TAF13: variants seen among roughly 807,000 people sequenced by gnomAD.
TAF13 encodes transcription initiation factor TFIID subunit 13.
In TAF13, 9 loss-of-function variants were observed where a neutral mutation model predicts 18.7. The ratio of observed to expected loss-of-function variants is 0.48; its 90% CI spans 0.29 to 0.84. The LOEUF (loss-of-function observed/expected upper bound fraction) is 0.84, where lower values mean the gene tolerates loss of function less well. Ranked by LOEUF, TAF13 falls within the 40% of genes least tolerant of loss-of-function variation. TAF13 has a pLI of 0.08. For missense variants in TAF13, 105 were observed against 146.5 expected (o/e 0.72, Z 1.46); for synonymous variants, 49 against 44.1 (o/e 1.11, Z -0.44).
intron 2 of TAF13, among the ~76,000 whole-genome samples, chr1:109,072,063 T>TACACAC (rs1557986200): frequency 2.1e-4 from 1 of 4,710 alleles, no homozygotes; most frequent in African/African-American, 7.0e-4. Flanking sequence ...TATATATATA[T>TACACAC]ATATATATAT....
At chr1:109,075,554 A>AT (rs1268904381) in intron 1 of TAF13, among the ~76,000 whole-genome samples, 1 of 152,216 alleles carries the variant, frequency 6.6e-6, no homozygotes, top group Non-Finnish European at 1.5e-5. Flanking sequence ...AAATTTTGAA[A>AT]TCCAGGCTGT....
intron 2 of TAF13, among the ~76,000 whole-genome samples, chr1:109,066,587 C>T (rs949305934): frequency 1.3e-5 from 2 of 152,142 alleles, no homozygotes; most frequent in Non-Finnish European, 2.9e-5. Context: ...AACAGCTTAG[C>T]CTTTTTTGGA....
chr1:109,073,757 C>CT (rs1031735929), intron 2 of TAF13, among the ~76,000 whole-genome samples: 15 of 152,244 alleles, frequency 9.9e-5, no homozygotes, highest in Non-Finnish European at 1.6e-4. Context: ...TCCCAAAGTG[C>CT]TGAGATTGCA....
chr1:109,069,262 T>C (rs979228212), intron 2 of TAF13, among the ~76,000 whole-genome samples: 3 of 152,120 alleles, frequency 2.0e-5, no homozygotes, highest in African/African-American at 4.8e-5. Context: ...CTTGGGAGCT[T>C]GGTTCCAGGA....
At chr1:109,067,738 TTAAGTCC>T (rs1157368217) in intron 2 of TAF13, among the ~76,000 whole-genome samples, 1 of 152,186 alleles carries the variant, frequency 6.6e-6, no homozygotes, top group African/African-American at 2.4e-5. Context: ...AGGTACTGTC[TTAAGTCC>T]TTTACATATA....
At chr1:109,071,993 T>C (rs1283969243) in intron 2 of TAF13, among the ~76,000 whole-genome samples, 1 of 2,772 alleles carries the variant, frequency 3.6e-4, no homozygotes, top group Non-Finnish European at 1.1e-3. Context: ...TATATATATA[T>C]ATATATATAT....
At chr1:109,073,938 C>T (rs879649230) in intron 2 of TAF13, among the ~76,000 whole-genome samples, 125 of 151,056 alleles carry the variant, frequency 8.3e-4, no homozygotes, top group Admixed American at 1.3e-3. Flanking sequence ...GCTGCCCGGC[C>T]GCCACCCCGT....
chr1:109,072,020 A>C (rs1382201506), intron 2 of TAF13, among the ~76,000 whole-genome samples: 2 of 4,516 alleles, frequency 4.4e-4, no homozygotes, highest in African/African-American at 7.7e-4. Flanking sequence ...ATATACACAC[A>C]CATATATATA....
chr1:109,068,503 A>T (rs904559261), intron 2 of TAF13, among the ~76,000 whole-genome samples: 1 of 151,922 alleles, frequency 6.6e-6, no homozygotes, highest in Admixed American at 6.6e-5. Context: ...ACTGGTTTCT[A>T]ACTATTTATT....
chr1:109,073,451 C>A (rs943841145), intron 2 of TAF13, among the ~76,000 whole-genome samples: 1 of 152,162 alleles, frequency 6.6e-6, no homozygotes, highest in South Asian at 2.1e-4. Flanking sequence ...CCTCTGTTGC[C>A]GAGGCTGGAC....
rs776052111 is a variant in TAF13 at position 109,075,921 on chromosome 1, C to A, written c.27G>T (p.Thr9=). ...GTTTTGGACAGAGACGGTCACTCAC[C>A]GTGGGGTCTTCTTCCTCATCTGCCA... is the stretch of plus-strand genomic sequence containing the variant. MADEEEDP[T]FEEENEEIGG... is the part of the protein sequence containing the mutation. Residue 9 remains threonine (T), a splice_region_variant and synonymous_variant, in exon 1 of 4, where the codon ACG becomes ACT. Transcript: ENST00000338366. 10 of 1,614,110 alleles carry A rather than the reference C, an allele frequency of 6.2e-6. No homozygotes were observed. Among genetic ancestry groups the A allele is most frequent in the Non-Finnish European group, 5.9e-6 (7 of 1,180,050 alleles).
chr1:109,064,806 T>C (rs113472588), intron 3 of TAF13, 113 bp from the exon 4 acceptor site: 1 of 848,008 alleles, frequency 1.2e-6, no homozygotes, highest in African/African-American at 1.8e-5. Context: ...TTATTATTAT[T>C]ATGGCTATTC....
intron 2 of TAF13, among the ~76,000 whole-genome samples, chr1:109,073,705 C>G (rs7554144): frequency 6.6e-6 from 1 of 151,970 alleles, no homozygotes; most frequent in African/African-American, 2.4e-5. Flanking sequence ...GGCGTGATCT[C>G]GGCTCGCTAC....
intron 2 of TAF13, among the ~76,000 whole-genome samples, chr1:109,071,374 G>A (rs1407045333): frequency 1.3e-5 from 2 of 151,614 alleles, no homozygotes; most frequent in African/African-American, 4.9e-5. Flanking sequence ...CTGGGAGGTG[G>A]AGGTTGCAGT....
In TAF13 at chr1:109,071,993, T is replaced by A. The variant is rs1283969243; in HGVS notation, c.106+2994A>T. Among the ~76,000 whole-genome samples the A allele has an allele frequency of 9.0e-3, 25 of 2,772 alleles. 6 individuals are homozygous for A. In the South Asian group the frequency reaches 0.19, roughly 21 times the overall value. The allele number at this position is 2,772 out of a possible 152,430, so 1.8% of individuals were successfully genotyped here. ...ATATATATACACACATATATATATA[T>A]ATATATATATATATATATATACACA... On this transcript the variant is annotated intron_variant, in intron 2 of 3. Transcript: ENST00000338366.
intron 2 of TAF13, among the ~76,000 whole-genome samples, chr1:109,069,358 TG>T (rs1235385959): frequency 6.6e-6 from 1 of 152,246 alleles, no homozygotes; most frequent in Non-Finnish European, 1.5e-5. Flanking sequence ...ATACATCCTA[TG>T]TATATTTTAA....
chr1:109,074,681 G>A (rs1319512728), intron 2 of TAF13, among the ~76,000 whole-genome samples: 1 of 152,146 alleles, frequency 6.6e-6, no homozygotes, highest in African/African-American at 2.4e-5. Context: ...TCAGGAGGCT[G>A]AGGCAGGAGA....
rs1294669427 is a variant in TAF13 at position 109,064,413 on chromosome 1, T to C, written c.*110A>G. 1 of 1,057,194 alleles carries C rather than the reference T, an allele frequency of 9.5e-7. No individual in the cohort carries two copies. Among genetic ancestry groups the C allele is most frequent in the East Asian group, 3.0e-5 (1 of 33,828 alleles). The allele number at this position is 1,057,194 out of a possible 1,614,324, so 65.5% of individuals were successfully genotyped here. A position where few individuals can be genotyped will look rare whatever the true frequency, so the allele number is the denominator to read the frequency against. Reference sequence around the variant, plus strand: ...AAAAATAAAGGCTGAAAACTTTGTGTTTCTCCATCTTTCATTTACATGGCT... The same window carrying C: ...AAAAATAAAGGCTGAAAACTTTGTGCTTCTCCATCTTTCATTTACATGGCT... On this transcript the variant is annotated 3_prime_UTR_variant, in exon 4 of 4. Coordinates refer to ENST00000338366, the MANE Select transcript of TAF13 (RefSeq NM_005645.4).
At chr1:109,070,174 G>A (rs1007777902) in intron 2 of TAF13, among the ~76,000 whole-genome samples, 2 of 152,090 alleles carry the variant, frequency 1.3e-5, no homozygotes, top group South Asian at 2.1e-4. Flanking sequence ...CCTCGAATCC[G>A]ATAGTTCCTT....
Sources: allele counts gnomAD v4.1 joint callset (sites outside exome capture counted in the v4.1 genomes callset), GRCh38; gene constraint gnomAD v4.1.1; transcripts MANE v1.5; gene names NCBI Gene and HGNC (gene_info 2026-07-23, HGNC 2026-07-21).